PIAS1: variants seen among roughly 807,000 people sequenced by gnomAD.
The protein encoded by PIAS1 is protein inhibitor of activated STAT 1, also known as E3 SUMO-protein ligase PIAS1.
A neutral mutation model predicts 71.3 loss-of-function variants in PIAS1; 6 were observed. That is an observed-to-expected ratio of 0.08 (90% CI 0.05 to 0.17). PIAS1 has a LOEUF of 0.17. PIAS1 is among the 10% of genes least tolerant of loss of function. The pLI, the probability that PIAS1 is intolerant of heterozygous loss-of-function variation, is 1.00. For missense variants in PIAS1, 555 were observed against 793.6 expected, an observed-to-expected ratio of 0.70 and a Z score of 3.61; for synonymous variants, 303 against 292.9, an observed-to-expected ratio of 1.03 and a Z score of -0.35.
chr15:68,060,499 G>C (rs945271840), intron 1 of PIAS1, among the ~76,000 whole-genome samples: 3 of 152,004 alleles, frequency 2.0e-5, no homozygotes, highest in African/African-American at 7.2e-5. Flanking sequence ...TGTAATCTCA[G>C]CTACTCAGGA....
chr15:68,097,692 C>T (rs955944009), intron 2 of PIAS1, among the ~76,000 whole-genome samples: 4 of 152,168 alleles, frequency 2.6e-5, no homozygotes, highest in Admixed American at 6.5e-5. Flanking sequence ...CTCGGCCTCC[C>T]AAAGTGCTGG....
intron 1 of PIAS1, among the ~76,000 whole-genome samples, chr15:68,085,972 C>A (rs1015177297): frequency 3.2e-4 from 49 of 152,176 alleles, no homozygotes; most frequent in African/African-American, 4.8e-5. Context: ...ACTCGACATT[C>A]TCCTGGAGAC....
intron 1 of PIAS1, among the ~76,000 whole-genome samples, chr15:68,066,119 TTTC>T (rs1246458750): frequency 9.2e-5 from 14 of 151,748 alleles, no homozygotes; most frequent in Admixed American, 9.2e-4. Flanking sequence ...GGTTATGTTT[TTTC>T]TTTTTTCTTT....
intron 1 of PIAS1, among the ~76,000 whole-genome samples, chr15:68,083,886 A>G (rs2092253731): frequency 6.6e-6 from 1 of 152,028 alleles, no homozygotes; most frequent in East Asian, 1.9e-4. Context: ...AACAAAACTA[A>G]AAAGCTTGGC....
chr15:68,056,287 T>C (rs931923123), intron 1 of PIAS1, among the ~76,000 whole-genome samples: 14 of 152,236 alleles, frequency 9.2e-5, no homozygotes, highest in African/African-American at 3.4e-4. Context: ...CCAAAGAAAC[T>C]AGTATGGAAA....
Position 68,079,594 on chromosome 15 carries a change from G to C in PIAS1, c.25-6712G>C, listed in dbSNP as rs2092207105. On this transcript the variant is annotated intron_variant, in intron 1 of 13. Transcript: ENST00000249636. Reference sequence around the variant, plus strand: ...GGATCCTCCTGCTTCAGTCTCCTGAGTTCCTGGGTCTGTAGGTGTGTGCCA... The same window carrying C: ...GGATCCTCCTGCTTCAGTCTCCTGACTTCCTGGGTCTGTAGGTGTGTGCCA... 2.0e-5 allele frequency among the ~76,000 whole-genome samples: 3 copies of C among 151,750 alleles called. No homozygotes were observed. In the South Asian group the frequency reaches 6.3e-4, roughly 32 times the overall value.
chr15:68,060,807 C>T (rs1483398848), intron 1 of PIAS1, among the ~76,000 whole-genome samples: 1 of 152,148 alleles, frequency 6.6e-6, no homozygotes, highest in East Asian at 1.9e-4. Context: ...CCTCAGCCTC[C>T]CGAGTAGCTG....
chr15:68,086,559 C>T lies in PIAS1; in HGVS notation c.278C>T (p.Thr93Ile), dbSNP rs763662294. ...ATGCCAGCAACTTTGTCTCCATCTA[C>T]CATTCCACAACTCACTTACGATGGT... ...SPMPATLSPS[T>I]IPQLTYDGHP... is the part of the protein sequence containing the mutation. Residue 93 changes from threonine (T) to isoleucine (I), a missense_variant, in exon 2 of 14, where the codon ACC (threonine) becomes ATC (isoleucine). Thr to Ile is a moderately conservative substitution (Grantham distance 89). This residue lies in a region of PIAS1 where 80 missense variants were observed against 66.9 expected (regional missense o/e 1.20). Transcript: ENST00000249636. The surrounding 1 kb of genome is among the most constrained non-coding windows in gnomAD (Gnocchi z 7.2). 2.0e-5 allele frequency: 33 copies of T among 1,613,924 alleles called. No homozygotes were observed. Among genetic ancestry groups the T allele is most frequent in the Non-Finnish European group, 2.7e-5 (32 of 1,179,836 alleles).
intron 1 of PIAS1, among the ~76,000 whole-genome samples, chr15:68,059,163 C>T (rs970620642): frequency 3.3e-5 from 5 of 151,828 alleles, no homozygotes; most frequent in Admixed American, 1.3e-4. Flanking sequence ...CGCCACTACG[C>T]CCCGCTAATT....
At chr15:68,106,351 C>CAAAAAAAAAAAAAAAAAAAAAAATAA (rs11313083) in intron 2 of PIAS1, among the ~76,000 whole-genome samples, 2 of 92,858 alleles carry the variant, frequency 2.2e-5, no homozygotes, top group Admixed American at 1.2e-4. Flanking sequence ...ATGACCTTTG[C>CAAAAAAAAAAAAAAAAAAAAAAATAA]AAAAAAAAAA....
intron 1 of PIAS1, among the ~76,000 whole-genome samples, chr15:68,077,217 CA>C (rs1395320597): frequency 1.2e-4 from 18 of 152,204 alleles, no homozygotes; most frequent in African/African-American, 4.1e-4. Context: ...CCAAATAAAA[CA>C]AACCTAAAAC....
chr15:68,155,880 C>A (rs1008832089), intron 7 of PIAS1, among the ~76,000 whole-genome samples: 2 of 152,172 alleles, frequency 1.3e-5, no homozygotes, highest in African/African-American at 4.8e-5. Context: ...CAAACACTAT[C>A]CCCCTCTCTC....
intron 1 of PIAS1, among the ~76,000 whole-genome samples, chr15:68,060,114 A>G (rs1422456180): frequency 1.3e-5 from 2 of 152,186 alleles, no homozygotes; most frequent in African/African-American, 4.8e-5. Context: ...GAAATCGATT[A>G]TGAAGTAGTA....
At chr15:68,118,379 G>A (rs1156865634) in intron 2 of PIAS1, among the ~76,000 whole-genome samples, 2 of 151,826 alleles carry the variant, frequency 1.3e-5, no homozygotes, top group African/African-American at 2.4e-5. Flanking sequence ...CTCTGTCTCC[G>A]AGGCTAGAGT....
rs551780548 is a variant in PIAS1 at position 68,054,650 on chromosome 15, A to T, written c.24+300A>T. On this transcript the variant is annotated intron_variant, in intron 1 of 13. Transcript: ENST00000249636. The surrounding 1 kb of genome is among the most constrained non-coding windows in gnomAD (Gnocchi z 4.6). ...CGGAGGTAGGGGCTGCAGCTGTCTC[A>T]TGGGCTCGGCTTTTTCACCTTCCAG... The T allele has an allele frequency of 1.3e-5, 4 of 301,524 alleles. No homozygotes were observed. Among genetic ancestry groups the T allele is most frequent in the Non-Finnish European group, 2.4e-5 (4 of 163,974 alleles). 18.7% of individuals were successfully genotyped at this position (301,524 alleles called of 1,614,324 possible).
intron 4 of PIAS1, 30 bp from the exon 5 acceptor site, chr15:68,145,786 A>G (rs954028532): frequency 1.6e-6 from 2 of 1,265,280 alleles, no homozygotes; most frequent in Non-Finnish European, 2.3e-6. Context: ...CCTTTAATAA[A>G]GGAAATTAAA....
rs574808078 is a variant in PIAS1, at chr15:68,167,438, T to G, written c.1008+2634T>G. On this transcript the variant is annotated intron_variant, in intron 8 of 13. Transcript: ENST00000249636. This position sits in a 1 kb window ranked among gnomAD's most constrained non-coding sequence, Gnocchi z 4.4. ...GTCTCACTGTGCATTACAGTTGCCC[T>G]TGTGATGTACAGAGCTCAAAATAAA... is the stretch of plus-strand genomic sequence containing the variant. 6.6e-6 allele frequency among the ~76,000 whole-genome samples: 1 copy of G among 152,314 alleles called. No individual in the cohort carries two copies. The highest frequency in any genetic ancestry group is 1.5e-5 in the Non-Finnish European group (1 of 68,020).
intron 4 of PIAS1, among the ~76,000 whole-genome samples, chr15:68,143,174 A>G (rs1255728751): frequency 6.6e-6 from 1 of 152,088 alleles, no homozygotes; most frequent in Non-Finnish European, 1.5e-5. Context: ...GATGGAAGAG[A>G]AAATATAAGA....
chr15:68,107,393 GTGT>G lies in PIAS1; in HGVS notation c.469+20644_469+20646del, dbSNP rs200595298. ...TTCTTAGGGGAAAGTGACCATAATA[GTGT>G]GTAAGATTGAGTTACCTTAAGTTGT... On this transcript the variant is annotated intron_variant, in intron 2 of 13. Coordinates refer to ENST00000249636, the MANE Select transcript of PIAS1 (RefSeq NM_016166.3). Among the ~76,000 whole-genome samples, 931 of 152,250 alleles carry G rather than the reference GTGT, an allele frequency of 6.1e-3. 4 individuals carry two copies. The highest frequency in any genetic ancestry group is 0.032 in the East Asian group (167 of 5,186).
Sources: allele counts gnomAD v4.1 joint callset (sites outside exome capture counted in the v4.1 genomes callset), GRCh38; gene constraint gnomAD v4.1.1; regional missense constraint gnomAD v4.1.1; non-coding constraint Gnocchi (gnomAD v3.1); transcripts MANE v1.5; gene names NCBI Gene and HGNC (gene_info 2026-07-23, HGNC 2026-07-21).